The following FAM227A variants were observed in gnomAD, a reference collection of about 807,000 sequenced individuals.
The protein encoded by FAM227A is family with sequence similarity 227 member A, also known as protein FAM227A.
Under a neutral mutation model 74.7 loss-of-function variants are expected in FAM227A, and 80 were observed. The ratio of observed to expected loss-of-function variants is 1.07; its 90% CI spans 0.89 to 1.29. The LOEUF is 1.29. Ranked by LOEUF, FAM227A falls within the 50% of genes most tolerant of loss-of-function variation. The probability of loss-of-function intolerance (pLI) is 0.00; values close to 1 mark genes in which losing one functional copy is unlikely to be tolerated. For missense variants in FAM227A, 654 were observed against 683.4 expected, an observed-to-expected ratio of 0.96 and a Z score of 0.48; for synonymous variants, 237 against 241.8, an observed-to-expected ratio of 0.98 and a Z score of 0.19.
chr22:38,580,772 TCCTTTCC>T lies in FAM227A; in HGVS notation c.*5346_*5352del, dbSNP rs1002484931. ...GTTTCCTAGTATCCAATTAGTTTCCTCCTTTCCCCTTTCCTTTTTTATCTTTGAGACA... is the reference window on the plus strand; with the variant it reads ...GTTTCCTAGTATCCAATTAGTTTCCTCCTTTCCTTTTTTATCTTTGAGACA... On this transcript the variant is annotated 3_prime_UTR_variant, in exon 17 of 17. Coordinates refer to ENST00000535113, the MANE Select transcript of FAM227A (RefSeq NM_001013647.2). The T allele has an allele frequency of 2.0e-5, 3 of 152,182 alleles. No homozygotes were observed. The highest frequency in any genetic ancestry group is 7.2e-5 in the African/African-American group (3 of 41,440). 9.4% of individuals were successfully genotyped at this position (152,182 alleles called of 1,614,324 possible).
At chr22:38,591,324 G>GTAAAA (rs764601462) in intron 16 of FAM227A, 111 bp downstream of exon 16, 76 of 1,439,088 alleles carry the variant, frequency 5.3e-5, no homozygotes, top group South Asian at 2.0e-4. Context: ...CTCTGTCTCA[G>GTAAAA]TAAAATAAAA....
chr22:38,645,512 G>A, intron 3 of FAM227A, 51 bp downstream of exon 3: 2 of 1,261,876 alleles, frequency 1.6e-6, no homozygotes, highest in Non-Finnish European at 2.3e-6. Flanking sequence ...ATGATCCCCG[G>A]GGCCCTTCCC....
intron 10 of FAM227A, among the ~76,000 whole-genome samples, chr22:38,622,426 C>T (rs1041427630): frequency 6.6e-6 from 1 of 152,228 alleles, no homozygotes; most frequent in African/African-American, 2.4e-5. Context: ...ACCATGTTCC[C>T]AGTGCTGAGC....
rs1213274444 is a variant in FAM227A, at chr22:38,580,686, T to C, written c.*5439A>G. On this transcript the variant is annotated 3_prime_UTR_variant, in exon 17 of 17. Transcript: ENST00000535113. Reference sequence around the variant, plus strand: ...TTTGGTTACCTGGTAATACAGTTCATATGGGAATGGCATGATAAATGCTTA... The same window carrying C: ...TTTGGTTACCTGGTAATACAGTTCACATGGGAATGGCATGATAAATGCTTA... 3 of 152,362 alleles carry C rather than the reference T, an allele frequency of 2.0e-5. No individual in the cohort carries two copies. Among genetic ancestry groups the C allele is most frequent in the South Asian group, 2.1e-4 (1 of 4,832 alleles). The allele number at this position is 152,362 out of a possible 1,614,324, so 9.4% of individuals were successfully genotyped here. A position where few individuals can be genotyped will look rare whatever the true frequency, so the allele number is the denominator to read the frequency against.
At chr22:38,599,355 A>G (rs566177648) in intron 14 of FAM227A, among the ~76,000 whole-genome samples, 2 of 152,218 alleles carry the variant, frequency 1.3e-5, no homozygotes, top group East Asian at 3.9e-4. Context: ...CTAAGGGAGG[A>G]ATGTGTCTGA....
At position 38,606,701 on chromosome 22, in the gene FAM227A, TCA is replaced by T. The variant is rs1249523016; in HGVS notation, c.1126+686_1126+687del. ...CAATGGCACTGACCTCTCTGTACTA[TCA>T]CAGTCACCAATATAAATTAAGACCT... On this transcript the variant is annotated intron_variant, in intron 12 of 16. Transcript: ENST00000535113. Among the ~76,000 whole-genome samples the T allele has an allele frequency of 5.3e-5, 8 of 152,324 alleles. No homozygotes were observed. The East Asian group carries it at 1.5e-3, about 29-fold the overall frequency.
chr22:38,623,848 C>T (rs5757184), intron 9 of FAM227A, among the ~76,000 whole-genome samples: 13,792 of 152,182 alleles, frequency 0.091, 841 homozygotes, highest in East Asian at 0.17. Context: ...TCACACTTAG[C>T]TTAGTGCCAG....
rs1737673736 is a variant in FAM227A at position 38,591,431 on chromosome 22, T to G, written c.1638+4A>C. Reference sequence around the variant, plus strand: ...TTAAACTCAATTTCTCTTTGGAGACTTCCCTTAGTTTTCTTGTCAGGTGAT... The same window carrying G: ...TTAAACTCAATTTCTCTTTGGAGACGTCCCTTAGTTTTCTTGTCAGGTGAT... On this transcript the variant is annotated splice_donor_region_variant and intron_variant, in intron 16 of 16. Transcript: ENST00000535113. The G allele has an allele frequency of 3.2e-6, 5 of 1,549,582 alleles. No individual in the cohort carries two copies. Among genetic ancestry groups the G allele is most frequent in the Non-Finnish European group, 4.4e-6 (5 of 1,146,770 alleles).
chr22:38,585,129 A>G lies in FAM227A; in HGVS notation c.*996T>C, dbSNP rs2090779023. ...ATTTTTTAATTAAAAAAATTAATTTACATTTAAATCCTGACTTTTGCTATG... is the reference window on the plus strand; with the variant it reads ...ATTTTTTAATTAAAAAAATTAATTTGCATTTAAATCCTGACTTTTGCTATG... On this transcript the variant is annotated 3_prime_UTR_variant, in exon 17 of 17. Coordinates refer to ENST00000535113, the MANE Select transcript of FAM227A (RefSeq NM_001013647.2). The G allele has an allele frequency of 1.3e-5, 2 of 152,176 alleles. No individual in the cohort carries two copies. The highest frequency in any genetic ancestry group is 4.8e-5 in the African/African-American group (2 of 41,432). The allele number at this position is 152,176 out of a possible 1,614,324, so 9.4% of individuals were successfully genotyped here.
rs2090726713 is a variant in FAM227A, at chr22:38,582,743, G to T, written c.*3382C>A. On this transcript the variant is annotated 3_prime_UTR_variant, in exon 17 of 17. Transcript: ENST00000535113. ...TAAGGAGACCTTCTTGCTGTATGGG[G>T]GCTAATAGTAGCGGTGGATAGGTAG... 4 of 1,337,542 alleles carry T rather than the reference G, an allele frequency of 3.0e-6. No homozygotes were observed. The highest frequency in any genetic ancestry group is 4.1e-5 in the Admixed American group (2 of 48,570). 82.9% of individuals were successfully genotyped at this position (1,337,542 alleles called of 1,614,324 possible).
chr22:38,598,064 A>G (rs1036058018), intron 14 of FAM227A, among the ~76,000 whole-genome samples: 4 of 151,614 alleles, frequency 2.6e-5, no homozygotes, highest in African/African-American at 9.7e-5. Flanking sequence ...AAAAAAAGAA[A>G]ATTCTCCCTC....
At chr22:38,612,892 T>C (rs556622205) in intron 11 of FAM227A, among the ~76,000 whole-genome samples, 1 of 150,988 alleles carries the variant, frequency 6.6e-6, no homozygotes, top group Non-Finnish European at 1.5e-5. Flanking sequence ...CCAGGGTAGC[T>C]GTGCACCTTT....
chr22:38,611,955 A>G (rs191200679), intron 11 of FAM227A, among the ~76,000 whole-genome samples: 65 of 152,152 alleles, frequency 4.3e-4, no homozygotes, highest in African/African-American at 1.4e-3. Flanking sequence ...GGCACCATTC[A>G]GATGCTGAAG....
rs141363303 is a variant in FAM227A at position 38,646,556 on chromosome 22, C to T, written c.143-911G>A. Among the ~76,000 whole-genome samples the T allele has an allele frequency of 2.4e-3, 361 of 152,088 alleles. 2 individuals are homozygous for T. The Middle Eastern group carries it at 0.031, about 13-fold the overall frequency. On this transcript the variant is annotated intron_variant, in intron 2 of 16. Coordinates refer to ENST00000535113, the MANE Select transcript of FAM227A (RefSeq NM_001013647.2). ...GGATTACAGGCGTGAGCCACCGCGC[C>T]CGGCCCAGTATTTCTTACATACATA...
At chr22:38,655,065 A>T (rs1309028489) in intron 1 of FAM227A, among the ~76,000 whole-genome samples, 1 of 150,968 alleles carries the variant, frequency 6.6e-6, no homozygotes, top group Non-Finnish European at 1.5e-5. Context: ...GCGTGAACCC[A>T]GGAGTCGGAG....
chr22:38,597,334 C>T lies in FAM227A; in HGVS notation c.1402G>A (p.Asp468Asn), dbSNP rs1227675317. 6.4e-7 allele frequency: 1 copy of T among 1,551,706 alleles called. No homozygotes were observed. The highest frequency in any genetic ancestry group is 8.7e-7 in the Non-Finnish European group (1 of 1,147,042). ...CTGCACAGGGTCTCGCTGATGACAT[C>T]AGTATACGTTGGGGTGCAGTCAGTG... ...STPDCTPTYT[D>N]VISETLCSMK... Residue 468 changes from aspartate to asparagine, a missense_variant, in exon 15 of 17, where the codon GAT becomes AAT. Transcript: ENST00000535113.
At chr22:38,617,292 C>CTTTTTT (rs35990617) in intron 11 of FAM227A, among the ~76,000 whole-genome samples, 1 of 116,156 alleles carries the variant, frequency 8.6e-6, no homozygotes, top group Admixed American at 8.7e-5. Flanking sequence ...TGAGAACAGA[C>CTTTTTT]TTTTTTTTTT....
In FAM227A at chr22:38,637,658, G is replaced by A. The variant is rs566731648; in HGVS notation, c.373-1061C>T. 2.6e-5 allele frequency among the ~76,000 whole-genome samples: 4 copies of A among 152,340 alleles called. 1 individual carries two copies. The highest frequency in any genetic ancestry group is 9.6e-5 in the African/African-American group (4 of 41,580). Reference sequence around the variant, plus strand: ...ATGACTGCAGTCAGGTGGCAGCTCCGCCATGTGCTGGCTGTGCCACCTTTG... The same window carrying A: ...ATGACTGCAGTCAGGTGGCAGCTCCACCATGTGCTGGCTGTGCCACCTTTG... On this transcript the variant is annotated intron_variant, in intron 5 of 16. Transcript: ENST00000535113.
At chr22:38,626,888 AAAAATATATATATAT>A (rs1376999373) in intron 8 of FAM227A, among the ~76,000 whole-genome samples, 9 of 107,306 alleles carry the variant, frequency 8.4e-5, no homozygotes, top group African/African-American at 3.5e-4. Context: ...AAAAAAAAAA[AAAAATATATATATAT>A]ATATATATAT....
Sources: allele counts gnomAD v4.1 joint callset (sites outside exome capture counted in the v4.1 genomes callset), GRCh38; gene constraint gnomAD v4.1.1; transcripts MANE v1.5; gene names NCBI Gene and HGNC (gene_info 2026-07-23, HGNC 2026-07-21).